The following SH3PXD2A variants were observed in gnomAD, a reference collection of about 807,000 sequenced individuals.
The protein encoded by SH3PXD2A is SH3 and PX domains 2A.
Under a neutral mutation model 115.2 loss-of-function variants are expected in SH3PXD2A, and 32 were observed. The observed-to-expected ratio is 0.28, with a 90% confidence interval of 0.21 to 0.37. The LOEUF is 0.37. SH3PXD2A is among the 10% of genes least tolerant of loss of function. The pLI is 1.00. For missense variants in SH3PXD2A, 1,328 were observed against 1,498.7 expected (o/e 0.89, Z 1.88); for synonymous variants, 610 against 629.1 (o/e 0.97, Z 0.45).
intron 3 of SH3PXD2A, chr10:103,755,276 G>A (rs2038627273): frequency 6.6e-6 from 1 of 152,164 alleles, no homozygotes; most frequent in South Asian, 2.1e-4. Flanking sequence ...CGTGTGCTGA[G>A]GGCTTACTTT....
At chr10:103,607,732 T>C (rs1244374969) in intron 13 of SH3PXD2A, among the ~76,000 whole-genome samples, 2 of 152,164 alleles carry the variant, frequency 1.3e-5, no homozygotes, top group East Asian at 1.9e-4. Context: ...GGGGAAAAGA[T>C]TGAGAAATCG....
intron 2 of SH3PXD2A, among the ~76,000 whole-genome samples, chr10:103,788,745 T>C (rs1203296837): frequency 6.6e-6 from 1 of 152,016 alleles, no homozygotes; most frequent in Non-Finnish European, 1.5e-5. Context: ...CAGGCACCTG[T>C]AATCCCAGCT....
chr10:103,709,306 G>A (rs1820752811), intron 5 of SH3PXD2A, among the ~76,000 whole-genome samples: 1 of 152,140 alleles, frequency 6.6e-6, no homozygotes, highest in Non-Finnish European at 1.5e-5. Context: ...AAAAATCCTG[G>A]TGCTAATCCA....
rs147152429 is a variant in SH3PXD2A, at chr10:103,601,040, C to T, written c.*776G>A. 6.6e-6 allele frequency: 1 copy of T among 152,316 alleles called. No homozygotes were observed. 9.4% of individuals were successfully genotyped at this position (152,316 alleles called of 1,614,324 possible). A position where few individuals can be genotyped will look rare whatever the true frequency, so the allele number is the denominator to read the frequency against. On this transcript the variant is annotated 3_prime_UTR_variant, in exon 15 of 15. Coordinates refer to ENST00000369774, the MANE Select transcript of SH3PXD2A (RefSeq NM_001394015.1). ...CCCGCCCAGAAATACCCAAAATAGT[C>T]TGTGCAGATTAGGAAGAGACCGGTG...
chr10:103,761,375 T>A (rs1452738593), intron 3 of SH3PXD2A, among the ~76,000 whole-genome samples: 3 of 152,104 alleles, frequency 2.0e-5, no homozygotes, highest in Non-Finnish European at 4.4e-5. Flanking sequence ...TTTTGCAACC[T>A]CTTGTGAGTC....
intron 1 of SH3PXD2A, among the ~76,000 whole-genome samples, chr10:103,806,223 G>C (rs1388190447): frequency 6.6e-6 from 1 of 151,998 alleles, no homozygotes; most frequent in Admixed American, 6.6e-5. Context: ...CCCCTGGACA[G>C]AGTCTAAATC....
rs183939045 is a variant in SH3PXD2A at position 103,602,953 on chromosome 10, C to T, written c.2265G>A (p.Ser755=). ...GLTSCPRAKP[S]VRPKPFLNRA... ...GGTTTAGGAATGGCTTGGGCCGGAC[C>T]GATGGCTTGGCCCGGGGACAGGAGG... is the stretch of plus-strand genomic sequence containing the variant. Residue 755 remains serine, a synonymous_variant, in exon 15 of 15, where the codon TCG becomes TCA. Coordinates refer to ENST00000369774, the MANE Select transcript of SH3PXD2A (RefSeq NM_001394015.1). The T allele has an allele frequency of 3.1e-6, 5 of 1,614,194 alleles. No individual in the cohort carries two copies. The South Asian group carries it at 4.4e-5, about 14-fold the overall frequency.
chr10:103,834,319 A>G (rs1338902038), intron 1 of SH3PXD2A, among the ~76,000 whole-genome samples: 3 of 152,234 alleles, frequency 2.0e-5, no homozygotes, highest in African/African-American at 7.2e-5. Flanking sequence ...TATGCTGGTG[A>G]AAGAAGCCAG....
intron 7 of SH3PXD2A, chr10:103,662,049 CA>C (rs2037314461): frequency 1.4e-6 from 1 of 705,220 alleles, no homozygotes; most frequent in Non-Finnish European, 1.7e-6. Context: ...CCTCTGGCTG[CA>C]GAGACTGACT....
intron 1 of SH3PXD2A, among the ~76,000 whole-genome samples, chr10:103,832,370 G>GAA (rs58886791): frequency 2.3e-3 from 295 of 128,012 alleles, no homozygotes; most frequent in Middle Eastern, 8.3e-3. Context: ...AACCTAAAAA[G>GAA]AAAAAAAAAA....
intron 1 of SH3PXD2A, among the ~76,000 whole-genome samples, chr10:103,846,433 G>A (rs957402712): frequency 2.6e-5 from 4 of 152,236 alleles, no homozygotes; most frequent in Admixed American, 6.5e-5. Flanking sequence ...CTCCTGAGTC[G>A]ACTCTGTCTA....
chr10:103,647,264 C>T (rs1466741162), intron 8 of SH3PXD2A, among the ~76,000 whole-genome samples: 1 of 152,130 alleles, frequency 6.6e-6, no homozygotes, highest in African/African-American at 2.4e-5. Flanking sequence ...ATGTCTCCGT[C>T]CCTCAAATCT....
At chr10:103,710,976 C>T (rs2038040399) in intron 5 of SH3PXD2A, among the ~76,000 whole-genome samples, 1 of 152,192 alleles carries the variant, frequency 6.6e-6, no homozygotes, top group Non-Finnish European at 1.5e-5. Context: ...TTTGAAGCTA[C>T]AGTGAGCTGT....
At chr10:103,838,203 C>T (rs2039564384) in intron 1 of SH3PXD2A, among the ~76,000 whole-genome samples, 1 of 152,198 alleles carries the variant, frequency 6.6e-6, no homozygotes, top group Admixed American at 6.5e-5. Flanking sequence ...CTCTCAAGGG[C>T]TCTAAATATA....
chr10:103,795,903 AAAGGAAGGAAGG>A (rs747408854), intron 2 of SH3PXD2A, among the ~76,000 whole-genome samples: 48 of 120,096 alleles, frequency 4.0e-4, no homozygotes, highest in Non-Finnish European at 5.0e-4. Context: ...GGAGGGAGGA[AAAGGAAGGAAGG>A]AAGGAAGGAA....
intron 4 of SH3PXD2A, among the ~76,000 whole-genome samples, chr10:103,732,223 CG>C (rs2038328860): frequency 1.3e-5 from 2 of 152,132 alleles, no homozygotes; most frequent in Admixed American, 6.5e-5. Flanking sequence ...CCCCTAGGAA[CG>C]GGGTAAATAG....
intron 8 of SH3PXD2A, 87 bp downstream of exon 8, chr10:103,660,896 G>A (rs1260721889): frequency 5.8e-6 from 8 of 1,371,340 alleles, no homozygotes; most frequent in Non-Finnish European, 8.3e-6. Context: ...TAGCTGCAGC[G>A]GTGGGGGAGG....
chr10:103,670,305 C>T (rs1427487601), intron 6 of SH3PXD2A, among the ~76,000 whole-genome samples: 1 of 152,192 alleles, frequency 6.6e-6, no homozygotes, highest in Non-Finnish European at 1.5e-5. Context: ...CCTCTCTGAG[C>T]CTGTTCCTGA....
intron 2 of SH3PXD2A, among the ~76,000 whole-genome samples, chr10:103,780,304 A>G (rs755559075): frequency 5.3e-5 from 8 of 152,188 alleles, no homozygotes; most frequent in Non-Finnish European, 7.3e-5. Context: ...CCCTTCCCCA[A>G]GCATCTCCAT....
Sources: gnomAD v4.1 joint callset for allele counts (sites outside exome capture counted in the v4.1 genomes callset) on GRCh38, gnomAD v4.1.1 for gene constraint, MANE v1.5 for transcripts, NCBI Gene and HGNC (gene_info 2026-07-23, HGNC 2026-07-21) for gene names.